The following NLRC5 variants were observed in gnomAD, a reference collection of about 807,000 sequenced individuals.
NLRC5 encodes the protein protein NLRC5.
NLRC5 carries 114 observed loss-of-function variants against 206.9 expected under a neutral mutation model. The observed-to-expected ratio is 0.55, with a 90% confidence interval of 0.47 to 0.64. NLRC5 has a LOEUF of 0.64. NLRC5 is among the 30% of genes least tolerant of loss of function. The pLI is 0.00. For synonymous variants in NLRC5, 952 were observed against 962.8 expected, an observed-to-expected ratio of 0.99 and a Z score of 0.21; for missense variants, 2,008 against 2,305.5, an observed-to-expected ratio of 0.87 and a Z score of 2.64.
intron 39 of NLRC5, 114 bp downstream of exon 39, chr16:57,074,797 C>T: frequency 1.0e-6 from 1 of 973,910 alleles, no homozygotes; most frequent in Non-Finnish European, 1.6e-6. Flanking sequence ...TTGCGGATCC[C>T]TCCCAGGCCC....
At chr16:57,030,614 AGATGGATGGATG>A (rs66917392) in intron 10 of NLRC5, among the ~76,000 whole-genome samples, 53,267 of 141,006 alleles carry the variant, frequency 0.38, 10,221 homozygotes, top group Non-Finnish European at 0.43. Flanking sequence ...GTGTGTGAAA[AGATGGATGGATG>A]GATGGATGGA....
At chr16:57,013,973 A>C in intron 1 of NLRC5, 1 of 421,110 alleles carries the variant, frequency 2.4e-6, no homozygotes, top group African/African-American at 2.1e-5. Flanking sequence ...TAAATCCCTT[A>C]AGGGAAGTTC....
At chr16:57,041,221 C>G (rs1162804260) in intron 17 of NLRC5, 2 of 493,376 alleles carry the variant, frequency 4.1e-6, no homozygotes, top group Non-Finnish European at 7.3e-6. Flanking sequence ...CTGTCTTCCT[C>G]TGATCTGCTC....
intron 3 of NLRC5, 40 bp downstream of exon 3, chr16:57,021,047 T>A: frequency 6.3e-7 from 1 of 1,593,074 alleles, no homozygotes; most frequent in Non-Finnish European, 8.6e-7. Flanking sequence ...GCCGGGCCAG[T>A]ACCTGCGTCA....
At chr16:57,077,423 A>T (rs2068533209) in intron 41 of NLRC5, 44 bp downstream of exon 41, 2 of 1,550,418 alleles carry the variant, frequency 1.3e-6, no homozygotes, top group Non-Finnish European at 1.8e-6. Flanking sequence ...GGGTCACACG[A>T]TGGTCCTAGG....
chr16:57,066,686 T>C, intron 34 of NLRC5, 72 bp downstream of exon 34: 2 of 1,321,374 alleles, frequency 1.5e-6, no homozygotes. Context: ...TTCTGACCAA[T>C]ATTCACCACC....
At chr16:57,053,781 G>A (rs960676521) in intron 24 of NLRC5, among the ~76,000 whole-genome samples, 19 of 152,232 alleles carry the variant, frequency 1.2e-4, no homozygotes, top group East Asian at 5.8e-4. Flanking sequence ...CGCCCGCCTC[G>A]GCTTCCCAAA....
intron 30 of NLRC5, 38 bp downstream of exon 30, chr16:57,059,570 G>A (rs1189639631): frequency 2.6e-6 from 4 of 1,560,606 alleles, no homozygotes; most frequent in South Asian, 2.3e-5. Flanking sequence ...GGACAGAGAG[G>A]GGAGAGGAGG....
Position 57,065,298 on chromosome 16 carries a change from G to C in NLRC5, c.4241G>C (p.Ser1414Thr). 1 of 1,570,632 alleles carries C rather than the reference G, an allele frequency of 6.4e-7. No individual in the cohort carries two copies. The change falls in exon 33 of 49, where the codon AGC becomes ACC. Residue 1414 changes from serine (S) to threonine (T), a missense_variant and splice_region_variant. By Grantham distance (58) the Ser-to-Thr change is moderately conservative. Coordinates refer to ENST00000688547, the MANE Select transcript of NLRC5 (RefSeq NM_001384950.1). Reference protein sequence around the residue: ...AQASGSVTEISISETQQQLCV... With the variant: ...AQASGSVTEITISETQQQLCV... ...GCCTCAGGCAGTGTCACTGAAATCAGGTGAGTCCAGAGAAGAGGCCCCTTT... is the reference window on the plus strand; with the variant it reads ...GCCTCAGGCAGTGTCACTGAAATCACGTGAGTCCAGAGAAGAGGCCCCTTT...
rs536852742 is a variant in NLRC5, at chr16:57,001,586, A to C, written c.-128+11969A>C. Among the ~76,000 whole-genome samples, 233 of 152,248 alleles carry C rather than the reference A, an allele frequency of 1.5e-3. 1 individual carries two copies. Among genetic ancestry groups the C allele is most frequent in the African/African-American group, 5.0e-3 (206 of 41,526 alleles). On this transcript the variant is annotated intron_variant, in intron 1 of 48. Transcript: ENST00000688547. ...CTAGTGGTAATCATAGCTTGTGTGG[A>C]TTGAACCTTTTTTTTATTTTTCATT...
chr16:57,078,164 C>A (rs1480953139), intron 43 of NLRC5, 144 bp downstream of exon 43: 1 of 614,224 alleles, frequency 1.6e-6, no homozygotes, highest in Non-Finnish European at 2.7e-6. Context: ...CTGTTCCTTC[C>A]CTGCCTCTGA....
At chr16:57,065,081 TA>T (rs1331233202) in intron 32 of NLRC5, 130 bp from the exon 33 acceptor site, 2 of 437,622 alleles carry the variant, frequency 4.6e-6, no homozygotes, top group Non-Finnish European at 7.8e-6. Context: ...TTTATAGTTT[TA>T]AAATGAGCAA....
At chr16:57,005,780 T>A (rs560327133) in intron 1 of NLRC5, among the ~76,000 whole-genome samples, 1 of 151,814 alleles carries the variant, frequency 6.6e-6, no homozygotes, top group Non-Finnish European at 1.5e-5. Flanking sequence ...ATTAGCTAGG[T>A]GTGGTGGTGT....
rs753980742 is a variant in NLRC5, at chr16:57,077,681, G to A, written c.4920-38G>A. 6 of 1,529,680 alleles carry A rather than the reference G, an allele frequency of 3.9e-6. No homozygotes were observed. The South Asian group carries it at 5.1e-5, about 13-fold the overall frequency. The allele number at this position is 1,529,680 out of a possible 1,614,324, so 94.8% of individuals were successfully genotyped here. On this transcript the variant is annotated intron_variant, in intron 41 of 48. Coordinates refer to ENST00000688547, the MANE Select transcript of NLRC5 (RefSeq NM_001384950.1). ...GATGTGCTGGGGTGTCGGGGAGAGG[G>A]GGCATCAGAGGACCTGATGGCTGCC... is the stretch of plus-strand genomic sequence containing the variant.
intron 23 of NLRC5, among the ~76,000 whole-genome samples, chr16:57,049,774 C>A (rs1380734238): frequency 4.7e-5 from 7 of 149,600 alleles, no homozygotes; most frequent in African/African-American, 1.7e-4. Flanking sequence ...ATAAATAAAG[C>A]CCACTGGCAG....
intron 1 of NLRC5, among the ~76,000 whole-genome samples, chr16:56,999,851 G>T (rs1597077301): frequency 6.6e-6 from 1 of 152,220 alleles, no homozygotes. Flanking sequence ...GTGGGAGGTA[G>T]CGAGGAGCCT....
chr16:57,071,370 GGTGA>G (rs2067730512), intron 38 of NLRC5, among the ~76,000 whole-genome samples: 1 of 135,414 alleles, frequency 7.4e-6, no homozygotes, highest in Non-Finnish European at 1.6e-5. Flanking sequence ...TGGGGAAGGG[GGTGA>G]GTGAGTGGTG....
At chr16:57,072,773 C>G (rs2067939540) in intron 38 of NLRC5, among the ~76,000 whole-genome samples, 1 of 152,140 alleles carries the variant, frequency 6.6e-6, no homozygotes, top group South Asian at 2.1e-4. Flanking sequence ...GATGACACCC[C>G]CTGAGAAAAC....
At chr16:57,036,895 T>C (rs1677967623) in intron 14 of NLRC5, among the ~76,000 whole-genome samples, 1 of 152,108 alleles carries the variant, frequency 6.6e-6, no homozygotes, top group Non-Finnish European at 1.5e-5. Flanking sequence ...GAGTCTGGTA[T>C]AGTCAGGGCT....
Sources: gnomAD v4.1 joint callset for allele counts (sites outside exome capture counted in the v4.1 genomes callset) on GRCh38, gnomAD v4.1.1 for gene constraint, MANE v1.5 for transcripts, NCBI Gene and HGNC (gene_info 2026-07-23, HGNC 2026-07-21) for gene names.